SRCAP: variants seen among roughly 807,000 people sequenced by gnomAD.
SRCAP encodes Snf2 related CREBBP activator protein, also known as chromatin remodeling protein SRCAP.
Under a neutral mutation model 263.1 loss-of-function variants are expected in SRCAP, and 46 were observed. The ratio of observed to expected loss-of-function variants is 0.17; its 90% confidence interval spans 0.14 to 0.22. The LOEUF (loss-of-function observed/expected upper bound fraction) is 0.22. Among genes scored for constraint, SRCAP ranks in the 10% least tolerant of loss-of-function variants. The pLI, the probability that SRCAP is intolerant of heterozygous loss-of-function variation, is 1.00. For synonymous variants in SRCAP, 1,813 were observed against 1,662.1 expected (o/e 1.09, Z -2.21); for missense variants, 3,695 against 4,181.9 (o/e 0.88, Z 3.21).
In SRCAP at chr16:30,737,326, G is replaced by A. The variant is rs370353071; in HGVS notation, c.7286G>A (p.Cys2429Tyr). 1.9e-6 allele frequency: 3 copies of A among 1,613,998 alleles called. No homozygotes were observed. The African/African-American group carries it at 4.0e-5, about 22-fold the overall frequency. ...CGCAGCACCACCACACCACCCCGCTGCAGTCCTGCCAGGGAGCGAGTTCCC... is the reference window on the plus strand; with the variant it reads ...CGCAGCACCACCACACCACCCCGCTACAGTCCTGCCAGGGAGCGAGTTCCC... ...QTRSTTTPPRCSPARERVPRP... is the reference protein window; with the variant it reads ...QTRSTTTPPRYSPARERVPRP... The change falls in exon 34 of 34, where the codon TGC (cysteine) becomes TAC (tyrosine). Residue 2429 changes from cysteine (C) to tyrosine (Y), a missense_variant. By Grantham distance (194) the Cys-to-Tyr change is radical. Transcript: ENST00000262518.
chr16:30,723,881 C>A lies in SRCAP; in HGVS notation c.4457C>A (p.Ala1486Glu). The stretch of plus-strand genomic sequence containing the variant: ...CCACCATTGGCACCTGTTGTCCCAG[C>A]GGCTCCTGGACCTCCCTCCTTGGCA... ...VTPPLAPVVP[A>E]APGPPSLAPS... Residue 1486 changes from alanine (A) to glutamate (E), a missense_variant, in exon 25 of 34, where the codon GCG becomes GAG. Ala to Glu is a moderately radical substitution (Grantham distance 107). Transcript: ENST00000262518. 1 of 1,614,090 alleles carries A rather than the reference C, an allele frequency of 6.2e-7. No individual in the cohort carries two copies. Among genetic ancestry groups the A allele is most frequent in the African/African-American group, 1.3e-5 (1 of 74,994 alleles).
Position 30,723,785 on chromosome 16 carries a change from C to T in SRCAP, c.4361C>T (p.Pro1454Leu), listed in dbSNP as rs2053034801. Residue 1454 changes from proline (P) to leucine (L), a missense_variant, in exon 25 of 34, where the codon CCA becomes CTA. Pro to Leu is a moderately conservative substitution (Grantham distance 98, BLOSUM62 -3). Around this residue, in one of 12 missense-constraint regions of SRCAP, gnomAD observed 1,347 missense variants for 1,304.4 expected, o/e 1.03. Transcript: ENST00000262518. ...PTTLPAPASAPLTIPISAPLT... is the reference protein window; with the variant it reads ...PTTLPAPASALLTIPISAPLT... ...ACACTTCCTGCCCCAGCCTCGGCTC[C>T]ACTCACCATCCCCATCTCAGCCCCC... 1 of 1,614,080 alleles carries T rather than the reference C, an allele frequency of 6.2e-7. No homozygotes were observed. Among genetic ancestry groups the T allele is most frequent in the African/African-American group, 1.3e-5 (1 of 74,992 alleles).
intron 21 of SRCAP, 115 bp from the exon 22 acceptor site, chr16:30,722,007 G>A: frequency 7.6e-7 from 1 of 1,311,710 alleles, no homozygotes; most frequent in Admixed American, 2.5e-5. Context: ...TAAATTGTGG[G>A]AAGGGCTTAG....
chr16:30,720,341 C>CT lies in SRCAP; in HGVS notation c.2987+11dup, dbSNP rs1567246057. 2.5e-6 allele frequency: 4 copies of CT among 1,607,308 alleles called. No individual in the cohort carries two copies. Among genetic ancestry groups the CT allele is most frequent in the Non-Finnish European group, 3.4e-6 (4 of 1,174,712 alleles). On this transcript the variant is annotated intron_variant, in intron 19 of 33. Transcript: ENST00000262518. The stretch of plus-strand genomic sequence containing the variant: ...AGATGAAGGTCAACAGGTACAAGGA[C>CT]TAAGGAATGAGGGGATGGTTCCTAG...
intron 6 of SRCAP, 88 bp downstream of exon 6, chr16:30,707,800 G>T: frequency 6.6e-7 from 1 of 1,506,598 alleles, no homozygotes; most frequent in Non-Finnish European, 9.0e-7. Context: ...CTTCTTGAGG[G>T]AGTAAATATA....
rs1202127293 is a variant in SRCAP, at chr16:30,723,792, C to T, written c.4368C>T (p.Thr1456=). Residue 1456 remains threonine (T), a synonymous_variant, in exon 25 of 34, where the codon ACC becomes ACT. Transcript: ENST00000262518. ...TLPAPASAPL[T]IPISAPLTVS... ...CTGCCCCAGCCTCGGCTCCACTCAC[C>T]ATCCCCATCTCAGCCCCCTTGACTG... The T allele has an allele frequency of 6.2e-7, 1 of 1,613,934 alleles. No individual in the cohort carries two copies. The highest frequency in any genetic ancestry group is 1.3e-5 in the African/African-American group (1 of 74,852).
intron 27 of SRCAP, among the ~76,000 whole-genome samples, chr16:30,732,457 A>T (rs2053122692): frequency 6.6e-6 from 1 of 152,152 alleles, no homozygotes; most frequent in Non-Finnish European, 1.5e-5. Flanking sequence ...GTCTCAAAAA[A>T]AAAAAAAGGA....
chr16:30,713,488 ACT>A (rs759954313), intron 15 of SRCAP, 29 bp from the exon 16 acceptor site: 31 of 1,612,206 alleles, frequency 1.9e-5, no homozygotes, highest in Non-Finnish European at 2.5e-5. Context: ...TGCTGACCAT[ACT>A]CTCTCTGATT....
rs772601869 is a variant in SRCAP at position 30,737,165 on chromosome 16, T to A, written c.7125T>A (p.Gly2375=). 1.1e-5 allele frequency: 17 copies of A among 1,613,472 alleles called. No individual in the cohort carries two copies. Among genetic ancestry groups the A allele is most frequent in the Non-Finnish European group, 1.4e-5 (16 of 1,179,886 alleles). ...GGGATGAGAGTTCCTGTGGGACTGG[T>A]GGAGGCACCCACCGGCGCAGTAAAA... is the stretch of plus-strand genomic sequence containing the variant. ...GAGDESSCGT[G]GGTHRRSKKA... The change falls in exon 34 of 34, where the codon GGT becomes GGA. Residue 2375 remains glycine (G), a synonymous_variant. Coordinates refer to ENST00000262518, the MANE Select transcript of SRCAP (RefSeq NM_006662.3).
chr16:30,722,152 C>T lies in SRCAP; in HGVS notation c.3572C>T (p.Ala1191Val). The change falls in exon 22 of 34, where the codon GCC becomes GTC. Residue 1191 changes from alanine to valine, a missense_variant. Transcript: ENST00000262518. ...SGEVVSIGQLASLAQRPVANA... is the reference protein window; with the variant it reads ...SGEVVSIGQLVSLAQRPVANA... ...GAAGTGGTCAGCATCGGGCAGTTAG[C>T]CTCACTGGCACAACGTCCAGTGGCT... 3.1e-6 allele frequency: 5 copies of T among 1,614,108 alleles called. No homozygotes were observed. Among genetic ancestry groups the T allele is most frequent in the Non-Finnish European group, 4.2e-6 (5 of 1,180,012 alleles).
At chr16:30,710,161 AG>A in intron 8 of SRCAP, 33 bp downstream of exon 8, 1 of 1,596,730 alleles carries the variant, frequency 6.3e-7, no homozygotes, top group East Asian at 2.2e-5. Context: ...GAGGGTTCAG[AG>A]GGGGAACAGA....
chr16:30,707,401 C>T (rs940041512), intron 5 of SRCAP, 33 bp downstream of exon 5: 20 of 1,609,784 alleles, frequency 1.2e-5, no homozygotes, highest in Non-Finnish European at 1.7e-5. Context: ...CTTCCTTTTC[C>T]TTTTCAGGTC....
rs751372249 is a variant in SRCAP, at chr16:30,739,425, C to T, written c.9385C>T (p.Pro3129Ser). The stretch of plus-strand genomic sequence containing the variant: ...CCGGCTGCGTCCAGGGTCTCTAGTC[C>T]CCCCACTAGAGACTGAGAAGTTGCC... ...STRLRPGSLV[P>S]PLETEKLPRK... The change falls in exon 34 of 34, where the codon CCC becomes TCC. Residue 3129 changes from proline to serine, a missense_variant. Physicochemically the swap from Pro to Ser is moderately conservative, Grantham distance 74. This residue lies in a region of SRCAP where 1,207 missense variants were observed against 1,142.9 expected (regional missense o/e 1.06). Transcript: ENST00000262518. 1.9e-6 allele frequency: 3 copies of T among 1,614,090 alleles called. No individual in the cohort carries two copies. Among genetic ancestry groups the T allele is most frequent in the South Asian group, 1.1e-5 (1 of 91,092 alleles).
In SRCAP at chr16:30,724,038, C is replaced by T. The variant is rs761543330; in HGVS notation, c.4614C>T (p.Asn1538=). The T allele has an allele frequency of 2.5e-6, 4 of 1,613,962 alleles. No individual in the cohort carries two copies. The highest frequency in any genetic ancestry group is 1.1e-5 in the South Asian group (1 of 91,090). ...CCTCTTCACATGTTCCAGGGTTGAA[C>T]TCAACCGTGGCCCCAGCATGCTCAC... ...APTSSHVPGL[N]STVAPACSPV... The change falls in exon 25 of 34, where the codon AAC becomes AAT. Residue 1538 remains asparagine, a synonymous_variant. Transcript: ENST00000262518.
intron 18 of SRCAP, among the ~76,000 whole-genome samples, chr16:30,717,450 G>A (rs1309351093): frequency 1.3e-5 from 2 of 151,124 alleles, no homozygotes; most frequent in Non-Finnish European, 2.9e-5. Flanking sequence ...CTTGTTTTTG[G>A]TGGTTTTTTT....
intron 8 of SRCAP, chr16:30,710,470 T>A (rs2052875886): frequency 2.8e-6 from 2 of 724,526 alleles, no homozygotes; most frequent in African/African-American, 3.4e-5. Context: ...ATGGTACCCT[T>A]AAGTCTTTTC....
In SRCAP at chr16:30,707,355, G is replaced by T. The variant is rs1356694163; in HGVS notation, c.479G>T (p.Gly160Val). 3.7e-6 allele frequency: 6 copies of T among 1,613,974 alleles called. No homozygotes were observed. In the South Asian group the frequency reaches 4.4e-5, roughly 12 times the overall value. Residue 160 changes from glycine (G) to valine (V), a missense_variant, in exon 5 of 34, where the codon GGT becomes GTT. Around this residue, in one of 12 missense-constraint regions of SRCAP, gnomAD observed 107 missense variants for 223.8 expected, o/e 0.48. Coordinates refer to ENST00000262518, the MANE Select transcript of SRCAP (RefSeq NM_006662.3). ...GCTCAGGAGCGCCGTTGGAAACGGG[G>T]TGTGGCCCGGAAGGTAGGTCTTCCG... ...DFAQERRWKRGVARKVVRMVI... is the reference protein window; with the variant it reads ...DFAQERRWKRVVARKVVRMVI...
Position 30,722,218 on chromosome 16 carries a change from G to T in SRCAP, c.3638G>T (p.Gly1213Val), listed in dbSNP as rs1398070913. The T allele has an allele frequency of 6.2e-7, 1 of 1,614,178 alleles. No homozygotes were observed. Among genetic ancestry groups the T allele is most frequent in the South Asian group, 1.1e-5 (1 of 91,082 alleles). ...AAACCTCTCACCTTCCAAATCCAGG[G>T]CAACAAGCTGACTTTGACTGGTGCC... ...GSKPLTFQIQGNKLTLTGAQV... is the reference protein window; with the variant it reads ...GSKPLTFQIQVNKLTLTGAQV... Residue 1213 changes from glycine (G) to valine (V), a missense_variant, in exon 22 of 34, where the codon GGC (glycine) becomes GTC (valine). By Grantham distance (109) the Gly-to-Val change is moderately radical. Around this residue, in one of 12 missense-constraint regions of SRCAP, gnomAD observed 1,347 missense variants for 1,304.4 expected, o/e 1.03. Transcript: ENST00000262518.
intron 27 of SRCAP, among the ~76,000 whole-genome samples, chr16:30,732,789 C>A (rs368369598): frequency 2.0e-5 from 3 of 152,124 alleles, no homozygotes; most frequent in Non-Finnish European, 2.9e-5. Context: ...TGGAGCAGAC[C>A]GAAGAGGTGA....
Sources: allele counts gnomAD v4.1 joint callset (sites outside exome capture counted in the v4.1 genomes callset), GRCh38; gene constraint gnomAD v4.1.1; regional missense constraint gnomAD v4.1.1; transcripts MANE v1.5; gene names NCBI Gene and HGNC (gene_info 2026-07-23, HGNC 2026-07-21).